The following EYS variants were observed in gnomAD, a reference collection of about 807,000 sequenced individuals.
The protein encoded by EYS is EGF-like photoreceptor maintenance factor.
Under a neutral mutation model 282.1 loss-of-function variants are expected in EYS, and 250 were observed. The observed-to-expected ratio is 0.89, with a 90% CI of 0.80 to 0.98. EYS has a LOEUF of 0.98. Ranked by LOEUF, EYS falls within the 50% of genes least tolerant of loss-of-function variation. The probability of loss-of-function intolerance (pLI) is 0.00; values close to 1 mark genes in which losing one functional copy is unlikely to be tolerated. For missense variants in EYS, 4,016 were observed against 3,709.0 expected (o/e 1.08, Z -2.15); for synonymous variants, 1,355 against 1,282.9 (o/e 1.06, Z -1.20).
At chr6:64,052,549 AT>A (rs1186254560) in intron 33 of EYS, among the ~76,000 whole-genome samples, 2 of 152,206 alleles carry the variant, frequency 1.3e-5, no homozygotes. Flanking sequence ...GATGAAAAAA[AT>A]ATTTTCTAAA....
intron 2 of EYS, among the ~76,000 whole-genome samples, chr6:65,510,673 T>G (rs965142396): frequency 6.6e-6 from 1 of 152,204 alleles, no homozygotes; most frequent in African/African-American, 2.4e-5. Flanking sequence ...ATTTTTGGTA[T>G]GTTTTTCTCC....
chr6:65,130,034 T>C (rs952090715), intron 12 of EYS, among the ~76,000 whole-genome samples: 3 of 151,962 alleles, frequency 2.0e-5, no homozygotes, highest in African/African-American at 7.2e-5. Flanking sequence ...GAGGCCATTA[T>C]ACTAAGTGAA....
At chr6:64,936,610 C>G (rs1328844768) in intron 15 of EYS, among the ~76,000 whole-genome samples, 2 of 151,366 alleles carry the variant, frequency 1.3e-5, no homozygotes, top group African/African-American at 4.8e-5. Context: ...ATACAAAAAT[C>G]AGTGCTGTCT....
chr6:65,483,981 G>A (rs992343944), intron 5 of EYS, among the ~76,000 whole-genome samples: 8 of 151,954 alleles, frequency 5.3e-5, no homozygotes, highest in East Asian at 1.9e-4. Flanking sequence ...ACTTCCTACC[G>A]GCTCCCTCCC....
At chr6:65,157,282 G>C (rs893813758) in intron 12 of EYS, among the ~76,000 whole-genome samples, 1 of 150,832 alleles carries the variant, frequency 6.6e-6, no homozygotes, top group Non-Finnish European at 1.5e-5. Context: ...ACAATGTCTT[G>C]ATGTAAACGA....
chr6:64,454,547 T>C (rs1185123796), intron 26 of EYS, among the ~76,000 whole-genome samples: 2 of 152,176 alleles, frequency 1.3e-5, no homozygotes, highest in Non-Finnish European at 2.9e-5. Context: ...TATTTTTTTT[T>C]CAATAAATAC....
At chr6:64,076,039 G>C (rs1771760662) in intron 32 of EYS, among the ~76,000 whole-genome samples, 1 of 151,904 alleles carries the variant, frequency 6.6e-6, no homozygotes, top group African/African-American at 2.4e-5. Context: ...AGTTGAACTT[G>C]TGCAGCTTGC....
At chr6:64,653,590 G>C (rs886139243) in intron 22 of EYS, among the ~76,000 whole-genome samples, 9 of 151,662 alleles carry the variant, frequency 5.9e-5, no homozygotes, top group African/African-American at 1.9e-4. Flanking sequence ...ATTTTTTTGA[G>C]ACAGGTTCTT....
chr6:64,211,638 AAATTT>A (rs1224118571), intron 31 of EYS, among the ~76,000 whole-genome samples: 1 of 147,626 alleles, frequency 6.8e-6, no homozygotes, highest in South Asian at 2.2e-4. Flanking sequence ...AAATTTAGCA[AAATTT>A]AATTTTGCTA....
At chr6:65,129,454 A>G (rs1353738205) in intron 12 of EYS, among the ~76,000 whole-genome samples, 1 of 151,914 alleles carries the variant, frequency 6.6e-6, no homozygotes, top group Non-Finnish European at 1.5e-5. Flanking sequence ...AGAAATTTGA[A>G]GAAAACAAAA....
At chr6:64,096,041 G>T (rs1426883783) in intron 31 of EYS, among the ~76,000 whole-genome samples, 1 of 152,128 alleles carries the variant, frequency 6.6e-6, no homozygotes, top group Non-Finnish European at 1.5e-5. Context: ...GAAATTCTAG[G>T]TTGATAATTC....
intron 34 of EYS, among the ~76,000 whole-genome samples, chr6:63,986,868 A>G (rs2149793763): frequency 6.6e-6 from 1 of 151,878 alleles, no homozygotes; most frequent in South Asian, 2.1e-4. Flanking sequence ...TCTGTACAAC[A>G]AAACATCATG....
intron 39 of EYS, chr6:63,786,202 C>T (rs1329170503): frequency 1.0e-5 from 1 of 98,156 alleles, no homozygotes; most frequent in African/African-American, 4.3e-5. Context: ...CACAGCGAGA[C>T]TCAAAAAAAA....
intron 22 of EYS, among the ~76,000 whole-genome samples, chr6:64,684,330 A>C (rs1277226559): frequency 6.6e-6 from 1 of 152,164 alleles, no homozygotes; most frequent in Non-Finnish European, 1.5e-5. Flanking sequence ...TTTTTAAAAA[A>C]TGAAACCTAA....
chr6:65,482,754 T>C (rs1221829699), intron 5 of EYS, among the ~76,000 whole-genome samples: 2 of 152,360 alleles, frequency 1.3e-5, no homozygotes, highest in South Asian at 2.1e-4. Context: ...GTTACCATCA[T>C]TGAATGCCAT....
chr6:64,013,208 C>A (rs76485173), intron 33 of EYS, among the ~76,000 whole-genome samples: 3,256 of 152,180 alleles, frequency 0.021, 97 homozygotes, highest in African/African-American at 0.063. Context: ...AACATACAAC[C>A]AGCCATCACG....
At chr6:65,161,473 T>C (rs1025131018) in intron 12 of EYS, among the ~76,000 whole-genome samples, 6 of 151,080 alleles carry the variant, frequency 4.0e-5, no homozygotes, top group African/African-American at 1.5e-4. Context: ...TCCAATTTTA[T>C]TTATAGAATC....
At chr6:65,035,334 C>T (rs145545110) in intron 13 of EYS, among the ~76,000 whole-genome samples, 16 of 151,974 alleles carry the variant, frequency 1.1e-4, no homozygotes, top group East Asian at 9.7e-4. Context: ...AACATAGCAC[C>T]GGAAGTCCTA....
chr6:65,295,750 A>G lies in EYS; in HGVS notation c.2023+113T>C, dbSNP rs16896499. The G allele has an allele frequency of 4.1e-3, 3,871 of 951,576 alleles. 87 individuals carry two copies. The East Asian group carries it at 0.049, about 12-fold the overall frequency. The allele number at this position is 951,576 out of a possible 1,614,324, so 58.9% of individuals were successfully genotyped here. ...TTTACTTTGCCAAATAAGAAATGAG[A>G]CAACAATACCAATCAATAGACACAT... On this transcript the variant is annotated intron_variant, in intron 12 of 42. Coordinates refer to ENST00000503581, the MANE Select transcript of EYS (RefSeq NM_001142800.2).
Sources: allele counts gnomAD v4.1 joint callset (sites outside exome capture counted in the v4.1 genomes callset), GRCh38; gene constraint gnomAD v4.1.1; transcripts MANE v1.5; gene names NCBI Gene and HGNC (gene_info 2026-07-23, HGNC 2026-07-21).